Variants in KCNIP3 observed in about 807,000 individuals in gnomAD.
KCNIP3 encodes the protein potassium voltage-gated channel interacting protein 3, also known as calsenilin.
In KCNIP3, 28 loss-of-function variants were observed where a neutral mutation model predicts 35.0. The observed-to-expected ratio is 0.80, with a 90% CI of 0.59 to 1.10. The LOEUF (loss-of-function observed/expected upper bound fraction) is 1.10, where lower values mean the gene tolerates loss of function less well. KCNIP3 is among the 50% of genes least tolerant of loss of function. KCNIP3 has a pLI of 0.00. For missense variants in KCNIP3, 295 were observed against 338.4 expected (o/e 0.87, Z 1.01); for synonymous variants, 134 against 133.8 (o/e 1.00, Z -0.01).
chr2:95,373,632 C>T (rs1680096096), intron 2 of KCNIP3, among the ~76,000 whole-genome samples: 1 of 152,090 alleles, frequency 6.6e-6, no homozygotes, highest in Admixed American at 6.5e-5. Context: ...CCGTGTTAGC[C>T]AGGATGGTCT....
intron 2 of KCNIP3, among the ~76,000 whole-genome samples, chr2:95,337,242 G>A (rs1243186929): frequency 1.3e-5 from 2 of 152,096 alleles, no homozygotes; most frequent in African/African-American, 2.4e-5. Context: ...CATTCAGTGC[G>A]ATTCTCTTTT....
In KCNIP3 at chr2:95,333,270, G is replaced by A. The variant is rs571089430; in HGVS notation, c.181+22750G>A. 3.9e-5 allele frequency among the ~76,000 whole-genome samples: 6 copies of A among 152,354 alleles called. No homozygotes were observed. The East Asian group carries it at 5.8e-4, about 15-fold the overall frequency. On this transcript the variant is annotated intron_variant, in intron 2 of 8. Coordinates refer to ENST00000295225, the MANE Select transcript of KCNIP3 (RefSeq NM_013434.5). ...GTGTAAGCTCCTTGAGGCCAGGGCCGCAGCTGCAGCATGTAGTGCCACATC... is the reference window on the plus strand; with the variant it reads ...GTGTAAGCTCCTTGAGGCCAGGGCCACAGCTGCAGCATGTAGTGCCACATC...
intron 1 of KCNIP3, among the ~76,000 whole-genome samples, chr2:95,300,996 A>G (rs3772043): frequency 0.77 from 117,094 of 152,226 alleles, 45,557 homozygotes; most frequent in African/African-American, 0.87. Context: ...CATGGACAGT[A>G]GGCAGATGCC....
chr2:95,371,908 G>A (rs1250768734), intron 2 of KCNIP3, among the ~76,000 whole-genome samples: 2 of 151,124 alleles, frequency 1.3e-5, no homozygotes, highest in Non-Finnish European at 2.9e-5. Flanking sequence ...GGATTGAAGC[G>A]ATTCTCCTGC....
chr2:95,315,816 G>C (rs1391601701), intron 2 of KCNIP3, among the ~76,000 whole-genome samples: 2 of 152,212 alleles, frequency 1.3e-5, no homozygotes, highest in East Asian at 1.9e-4. Context: ...AGCAGGTACT[G>C]TGGGAGTCGC....
intron 2 of KCNIP3, among the ~76,000 whole-genome samples, chr2:95,366,608 C>G (rs760437187): frequency 5.3e-5 from 8 of 152,164 alleles, no homozygotes; most frequent in Non-Finnish European, 7.3e-5. Flanking sequence ...AACGTGATTT[C>G]CAGCATGGCA....
intron 1 of KCNIP3, among the ~76,000 whole-genome samples, chr2:95,308,062 G>C (rs1029395836): frequency 6.6e-6 from 1 of 152,128 alleles, no homozygotes; most frequent in Admixed American, 6.6e-5. Context: ...ATGCATGTGT[G>C]CTTGTGTGTG....
Position 95,384,067 on chromosome 2 carries a change from G to A in KCNIP3, c.*18G>A, listed in dbSNP as rs1179536207. 17 of 1,612,400 alleles carry A rather than the reference G, an allele frequency of 1.1e-5. No individual in the cohort carries two copies. Among genetic ancestry groups the A allele is most frequent in the Admixed American group, 1.7e-5 (1 of 59,986 alleles). On this transcript the variant is annotated 3_prime_UTR_variant, in exon 9 of 9. Coordinates refer to ENST00000295225, the MANE Select transcript of KCNIP3 (RefSeq NM_013434.5). ...TCATCTAGGACACGTCCAAAGGAGT[G>A]CATGGCCACAGCCACCTCCACCCCC... is the stretch of plus-strand genomic sequence containing the variant.
At chr2:95,297,710 G>C (rs1677906956) in intron 1 of KCNIP3, among the ~76,000 whole-genome samples, 1 of 152,044 alleles carries the variant, frequency 6.6e-6, no homozygotes, top group African/African-American at 2.4e-5. Context: ...TGAACTCCTA[G>C]GGCTCCCTTT....
At chr2:95,308,167 T>G (rs570092179) in intron 1 of KCNIP3, among the ~76,000 whole-genome samples, 208 of 152,266 alleles carry the variant, frequency 1.4e-3, no homozygotes, top group Non-Finnish European at 2.2e-3. Flanking sequence ...CATAGGGAGC[T>G]TCCCTCAGCA....
chr2:95,359,081 T>G (rs537707552), intron 2 of KCNIP3, among the ~76,000 whole-genome samples: 1 of 152,318 alleles, frequency 6.6e-6, no homozygotes, highest in Admixed American at 6.5e-5. Flanking sequence ...AACTGTAGCA[T>G]TCTGCCCAGC....
rs1394078839 is a variant in KCNIP3 at position 95,334,377 on chromosome 2, G to GA, written c.181+23857_181+23858insA. ...AATATGCAGGGTGGGCAGGGGTTAA[G>GA]GAATGCTTCCCCACTTTGGGGATGA... On this transcript the variant is annotated intron_variant, in intron 2 of 8. Coordinates refer to ENST00000295225, the MANE Select transcript of KCNIP3 (RefSeq NM_013434.5). 6.6e-3 allele frequency among the ~76,000 whole-genome samples: 1,010 copies of GA among 152,340 alleles called. 17 individuals carry two copies. Among genetic ancestry groups the GA allele is most frequent in the African/African-American group, 0.023 (941 of 41,570 alleles).
Position 95,337,475 on chromosome 2 carries a change from G to T in KCNIP3, c.181+26955G>T, listed in dbSNP as rs192273901. 8.5e-5 allele frequency among the ~76,000 whole-genome samples: 13 copies of T among 152,262 alleles called. No individual in the cohort carries two copies. In the East Asian group the frequency reaches 2.3e-3, roughly 27 times the overall value. On this transcript the variant is annotated intron_variant, in intron 2 of 8. Coordinates refer to ENST00000295225, the MANE Select transcript of KCNIP3 (RefSeq NM_013434.5). Reference sequence around the variant, plus strand: ...TACAAATTTATTCAAACTTGTCTATGTTCCTGCTAGGTCTCTTGAGTGTGT... The same window carrying T: ...TACAAATTTATTCAAACTTGTCTATTTTCCTGCTAGGTCTCTTGAGTGTGT...
intron 5 of KCNIP3, 45 bp from the exon 6 acceptor site, chr2:95,381,551 G>A: frequency 7.2e-7 from 1 of 1,389,550 alleles, no homozygotes; most frequent in Non-Finnish European, 1.0e-6. Flanking sequence ...ACTAGAACCT[G>A]GGCATTGATT....
chr2:95,305,817 C>T (rs774860093), intron 1 of KCNIP3, among the ~76,000 whole-genome samples: 4 of 152,176 alleles, frequency 2.6e-5, no homozygotes, highest in South Asian at 2.1e-4. Context: ...GTGTGGTGTG[C>T]GCCAACAGTT....
At chr2:95,329,636 C>T (rs1024919343) in intron 2 of KCNIP3, among the ~76,000 whole-genome samples, 1 of 152,216 alleles carries the variant, frequency 6.6e-6, no homozygotes, top group African/African-American at 2.4e-5. Context: ...GCCTGGCTGC[C>T]GGGAGTGGGG....
intron 1 of KCNIP3, chr2:95,310,099 T>A: frequency 1.6e-6 from 1 of 620,502 alleles, no homozygotes; most frequent in Non-Finnish European, 3.0e-6. Context: ...ACTGCTGACA[T>A]CCCCTCTCTG....
chr2:95,350,726 C>T (rs964231695), intron 2 of KCNIP3, among the ~76,000 whole-genome samples: 1 of 152,132 alleles, frequency 6.6e-6, no homozygotes, highest in African/African-American at 2.4e-5. Context: ...GGCCAGTGGG[C>T]TCTTTACCCA....
intron 7 of KCNIP3, 67 bp from the exon 8 acceptor site, chr2:95,383,165 C>T: frequency 2.9e-6 from 4 of 1,382,004 alleles, no homozygotes; most frequent in Non-Finnish European, 4.0e-6. Context: ...CTTCTGCGTC[C>T]TCAGGCCAGG....
Sources: gnomAD v4.1 joint callset for allele counts (sites outside exome capture counted in the v4.1 genomes callset) on GRCh38, gnomAD v4.1.1 for gene constraint, MANE v1.5 for transcripts, NCBI Gene and HGNC (gene_info 2026-07-23, HGNC 2026-07-21) for gene names.